Variants in PHIP observed in about 807,000 individuals in gnomAD.
The protein encoded by PHIP is PH-interacting protein.
In PHIP, 54 loss-of-function variants were observed where a neutral mutation model predicts 236.8. That is an observed-to-expected ratio of 0.23 (90% CI 0.18 to 0.29). PHIP has a LOEUF of 0.29. Among genes scored for constraint, PHIP ranks in the 10% least tolerant of loss-of-function variants. The pLI is 1.00. For missense variants in PHIP, 1,370 were observed against 2,190.8 expected (o/e 0.63, Z 7.48); for synonymous variants, 756 against 718.9 (o/e 1.05, Z -0.83).
At chr6:78,965,798 C>A (rs992326318) in intron 28 of PHIP, 34 bp from the exon 29 acceptor site, 1 of 1,301,248 alleles carries the variant, frequency 7.7e-7, no homozygotes, top group Admixed American at 1.9e-5. Context: ...ATTAAAAAAT[C>A]TAAATTATTG....
At chr6:79,057,916 T>G (rs1383341060) in intron 6 of PHIP, among the ~76,000 whole-genome samples, 1 of 152,074 alleles carries the variant, frequency 6.6e-6, no homozygotes, top group Non-Finnish European at 1.5e-5. Context: ...TAAAACAAAA[T>G]ATATACCATG....
chr6:78,988,739 T>C (rs1664229703), intron 20 of PHIP, among the ~76,000 whole-genome samples: 1 of 152,164 alleles, frequency 6.6e-6, no homozygotes, highest in African/African-American at 2.4e-5. Context: ...AATGCTGTTT[T>C]TTTTTTTTCT....
At chr6:78,958,698 TA>T in intron 31 of PHIP, 98 bp from the exon 32 acceptor site, 1 of 748,928 alleles carries the variant, frequency 1.3e-6, no homozygotes. Context: ...AACTTCAGTC[TA>T]AACCAACTGT....
intron 4 of PHIP, among the ~76,000 whole-genome samples, chr6:79,066,549 A>C (rs1361229121): frequency 6.6e-6 from 1 of 152,196 alleles, no homozygotes; most frequent in Non-Finnish European, 1.5e-5. Flanking sequence ...AGATATAAGC[A>C]AGTCATACAA....
chr6:79,066,528 AT>A (rs565949999), intron 4 of PHIP, among the ~76,000 whole-genome samples: 346 of 152,328 alleles, frequency 2.3e-3, no homozygotes, highest in African/African-American at 8.0e-3. Flanking sequence ...ATGTGTATAT[AT>A]CAATGTGCAA....
At chr6:78,945,546 G>C (rs1489609893) in intron 38 of PHIP, 49 bp from the exon 39 acceptor site, 3 of 1,168,708 alleles carry the variant, frequency 2.6e-6, no homozygotes, top group African/African-American at 1.6e-5. Flanking sequence ...TGAACCTAAA[G>C]ATAAGAAAAA....
intron 6 of PHIP, among the ~76,000 whole-genome samples, chr6:79,051,824 G>A (rs897133629): frequency 2.0e-5 from 3 of 152,024 alleles, no homozygotes; most frequent in Non-Finnish European, 4.4e-5. Context: ...AACACACAAT[G>A]ACATAATGTT....
chr6:79,026,196 A>C (rs972584935), intron 7 of PHIP, 32 bp from the exon 8 acceptor site: 4 of 1,459,464 alleles, frequency 2.7e-6, no homozygotes, highest in Non-Finnish European at 3.8e-6. Context: ...AATAGAATTA[A>C]CCCCATAAAT....
At chr6:79,067,332 T>C (rs111607523) in intron 4 of PHIP, among the ~76,000 whole-genome samples, 1 of 152,212 alleles carries the variant, frequency 6.6e-6, no homozygotes, top group African/African-American at 2.4e-5. Flanking sequence ...TTTTTCAAAC[T>C]TATGTCCCTT....
In PHIP at chr6:79,017,658, A is replaced by G. The variant is rs942459079; in HGVS notation, c.995-75T>C. 3.8e-6 allele frequency: 4 copies of G among 1,055,424 alleles called. No homozygotes were observed. The African/African-American group carries it at 6.4e-5, about 17-fold the overall frequency. The allele number at this position is 1,055,424 out of a possible 1,614,324, so 65.4% of individuals were successfully genotyped here. On this transcript the variant is annotated intron_variant, in intron 10 of 39. Transcript: ENST00000275034. ...CTCTGAAAATTAGATAATAAAATGT[A>G]AGCAAAATTACAGTATATACTGAAT...
Position 79,016,564 on chromosome 6 carries a change from A to G in PHIP, c.1215T>C (p.Asp405=). ...KRREWKSILL[D]MATRPAGQNL... ...CTTACCCTGCTGGACGAGTAGCCAT[A>G]TCCAACAAAATGCTCTTCCACTCTC... The change falls in exon 13 of 40, where the codon GAT becomes GAC. Residue 405 remains aspartate (D), a synonymous_variant. Transcript: ENST00000275034. The G allele has an allele frequency of 1.2e-6, 2 of 1,609,106 alleles. No individual in the cohort carries two copies. The highest frequency in any genetic ancestry group is 1.7e-6 in the Non-Finnish European group (2 of 1,175,948).
At chr6:79,032,941 G>A (rs945974164) in intron 7 of PHIP, among the ~76,000 whole-genome samples, 6 of 151,948 alleles carry the variant, frequency 3.9e-5, no homozygotes, top group Non-Finnish European at 8.8e-5. Context: ...TGATCCACAG[G>A]CTGCAGAATA....
chr6:78,974,235 C>T (rs973500453), intron 24 of PHIP, among the ~76,000 whole-genome samples: 27 of 152,208 alleles, frequency 1.8e-4, no homozygotes, highest in African/African-American at 6.5e-4. Flanking sequence ...CTCAAAACCG[C>T]TCAACTACAT....
intron 6 of PHIP, among the ~76,000 whole-genome samples, chr6:79,051,568 C>T (rs922908993): frequency 2.6e-5 from 4 of 152,090 alleles, no homozygotes; most frequent in African/African-American, 9.7e-5. Context: ...CTGTTTGAAA[C>T]ATACTATGTT....
chr6:79,063,791 T>TA (rs1049239106), intron 4 of PHIP, among the ~76,000 whole-genome samples: 9 of 152,104 alleles, frequency 5.9e-5, no homozygotes, highest in African/African-American at 2.2e-4. Context: ...CAAAACAGAT[T>TA]AAAGTAAAGG....
chr6:78,963,576 C>T lies in PHIP; in HGVS notation c.3380-324G>A, dbSNP rs148767298. Among the ~76,000 whole-genome samples the T allele has an allele frequency of 5.3e-5, 8 of 152,164 alleles. No individual in the cohort carries two copies. In the East Asian group the frequency reaches 1.5e-3, roughly 29 times the overall value. On this transcript the variant is annotated intron_variant, in intron 29 of 39. Transcript: ENST00000275034. ...GTTTTCTGAATCACTTCATAATTGC[C>T]ATGTTTACTTTGATAAAGTATACAC...
chr6:78,989,121 A>G (rs576872695), intron 20 of PHIP, among the ~76,000 whole-genome samples: 1 of 152,352 alleles, frequency 6.6e-6, no homozygotes, highest in Non-Finnish European at 1.5e-5. Context: ...CTATCTCAAA[A>G]GTGAATACAA....
At chr6:79,016,424 C>T (rs777133949) in intron 13 of PHIP, 120 bp downstream of exon 13, 15 of 481,344 alleles carry the variant, frequency 3.1e-5, no homozygotes, top group East Asian at 1.6e-4. Flanking sequence ...CTCTAGTTAT[C>T]GCAGAAAAGT....
chr6:79,038,527 T>C (rs1682469584), intron 7 of PHIP, among the ~76,000 whole-genome samples: 1 of 152,200 alleles, frequency 6.6e-6, no homozygotes, highest in Non-Finnish European at 1.5e-5. Flanking sequence ...AAAGGATGTT[T>C]TTCAGTACTA....
Sources: allele counts gnomAD v4.1 joint callset (sites outside exome capture counted in the v4.1 genomes callset), GRCh38; gene constraint gnomAD v4.1.1; transcripts MANE v1.5; gene names NCBI Gene and HGNC (gene_info 2026-07-23, HGNC 2026-07-21).